The following SEMA3C variants were observed in gnomAD, a reference collection of about 807,000 sequenced individuals.
SEMA3C encodes semaphorin 3C.
A neutral mutation model predicts 89.4 loss-of-function variants in SEMA3C; 47 were observed. The ratio of observed to expected loss-of-function variants is 0.53; its 90% CI spans 0.42 to 0.67. The LOEUF (loss-of-function observed/expected upper bound fraction) is 0.67. SEMA3C is among the 30% of genes least tolerant of loss of function. The pLI is 0.00. For synonymous variants in SEMA3C, 310 were observed against 320.2 expected (o/e 0.97, Z 0.34); for missense variants, 839 against 929.1 (o/e 0.90, Z 1.26).
At chr7:80,789,131 C>T (rs1788873327) in intron 12 of SEMA3C, among the ~76,000 whole-genome samples, 175 bp downstream of exon 12, 1 of 151,932 alleles carries the variant, frequency 6.6e-6, no homozygotes, top group Admixed American at 6.6e-5. Flanking sequence ...ACTTTATTAG[C>T]TTCATTTTAC....
At chr7:80,790,295 G>A (rs769026455) in intron 11 of SEMA3C, among the ~76,000 whole-genome samples, 88 of 151,724 alleles carry the variant, frequency 5.8e-4, no homozygotes, top group Admixed American at 2.3e-3. Flanking sequence ...ATAAAAAAAG[G>A]AAGAAGAAGA....
At chr7:80,815,592 G>A (rs1056481735) in intron 5 of SEMA3C, among the ~76,000 whole-genome samples, 9 of 125,286 alleles carry the variant, frequency 7.2e-5, no homozygotes, top group East Asian at 2.9e-4. Context: ...AGAGGAAAGG[G>A]AATGAAGATA....
chr7:80,892,347 TAACA>T (rs1269736067), intron 2 of SEMA3C, among the ~76,000 whole-genome samples: 2 of 152,122 alleles, frequency 1.3e-5, no homozygotes, highest in African/African-American at 4.8e-5. Context: ...TTATTTACTT[TAACA>T]GTCAGTAGGA....
At chr7:80,830,972 G>A (rs1789996410) in intron 2 of SEMA3C, among the ~76,000 whole-genome samples, 1 of 152,194 alleles carries the variant, frequency 6.6e-6, no homozygotes. Context: ...TCACTCAAAG[G>A]TTGGAGAGGA....
intron 2 of SEMA3C, among the ~76,000 whole-genome samples, chr7:80,913,666 T>C (rs1172085026): frequency 1.3e-5 from 2 of 152,056 alleles, no homozygotes; most frequent in East Asian, 3.9e-4. Flanking sequence ...CAAAAGAAAA[T>C]ATTAGAAGTC....
At chr7:80,840,489 AG>A (rs1193147025) in intron 2 of SEMA3C, among the ~76,000 whole-genome samples, 1 of 145,032 alleles carries the variant, frequency 6.9e-6, no homozygotes. Flanking sequence ...ACTGCACTCC[AG>A]CCTAGGTGAC....
intron 12 of SEMA3C, among the ~76,000 whole-genome samples, chr7:80,776,489 G>T (rs147623004): frequency 2.0e-5 from 3 of 152,142 alleles, no homozygotes; most frequent in Non-Finnish European, 4.4e-5. Context: ...TCAAAGAAAA[G>T]AGCCTACGTG....
rs77801067 is a variant in SEMA3C, at chr7:80,853,346, G to A, written c.104-24601C>T. Among the ~76,000 whole-genome samples the A allele has an allele frequency of 6.7e-3, 1,019 of 152,248 alleles. 54 individuals are homozygous for A. In the East Asian group the frequency reaches 0.13, roughly 19 times the overall value. On this transcript the variant is annotated intron_variant, in intron 2 of 17. Coordinates refer to ENST00000265361, the MANE Select transcript of SEMA3C (RefSeq NM_006379.5). ...GTATACAGCAGCATTATTCACATCA[G>A]CCAAGATTTGAAAGGAATCCAAGTG... is the stretch of plus-strand genomic sequence containing the variant.
In SEMA3C at chr7:80,800,758, T is replaced by C. The variant is rs199738991; in HGVS notation, c.985A>G (p.Ser329Gly). The C allele has an allele frequency of 3.8e-4, 576 of 1,516,796 alleles. 1 individual carries two copies. Among genetic ancestry groups the C allele is most frequent in the Non-Finnish European group, 4.9e-4 (548 of 1,125,418 alleles). 94.0% of individuals were successfully genotyped at this position (1,516,796 alleles called of 1,614,324 possible). A position where few individuals can be genotyped will look rare whatever the true frequency, so the allele number is the denominator to read the frequency against. ...TLVYGIFTTSSSVFKGSAVCV... is the reference protein window; with the variant it reads ...TLVYGIFTTSGSVFKGSAVCV... ...AAAATGTAACTGTTGAATAATTACC[T>C]TGATGTTGTAAAAATGCCATACACT... is the stretch of plus-strand genomic sequence containing the variant. The change falls in exon 10 of 18, where the codon AGC becomes GGC. Residue 329 changes from serine to glycine, a missense_variant and splice_region_variant. Ser to Gly is a moderately conservative substitution (Grantham distance 56). Transcript: ENST00000265361.
At position 80,786,977 on chromosome 7, in the gene SEMA3C, T is replaced by C. The variant is rs555158154; in HGVS notation, c.1354+2329A>G. Among the ~76,000 whole-genome samples, 159 of 152,352 alleles carry C rather than the reference T, an allele frequency of 1.0e-3. 2 individuals carry two copies. The highest frequency in any genetic ancestry group is 3.6e-3 in the African/African-American group (151 of 41,586). On this transcript the variant is annotated intron_variant, in intron 12 of 17. Transcript: ENST00000265361. The stretch of plus-strand genomic sequence containing the variant: ...ATGTGTGTTATCCAACAGTCAACTG[T>C]ACATGAAAACACTGAGCATAGGAAA...
intron 11 of SEMA3C, among the ~76,000 whole-genome samples, chr7:80,790,196 A>C (rs1230756133): frequency 1.3e-5 from 2 of 152,094 alleles, no homozygotes; most frequent in Non-Finnish European, 1.5e-5. Flanking sequence ...AGGCAGGAGG[A>C]TCTCTTGAGC....
intron 11 of SEMA3C, among the ~76,000 whole-genome samples, chr7:80,791,484 G>A (rs1468144685): frequency 6.6e-6 from 1 of 152,128 alleles, no homozygotes; most frequent in Non-Finnish European, 1.5e-5. Flanking sequence ...AGAGAGGTAT[G>A]TGATAAAAGG....
At chr7:80,805,429 T>A (rs1789315514) in intron 7 of SEMA3C, among the ~76,000 whole-genome samples, 1 of 152,084 alleles carries the variant, frequency 6.6e-6, no homozygotes, top group African/African-American at 2.4e-5. Flanking sequence ...GTAGGATGAT[T>A]AATAGAAATA....
chr7:80,764,277 T>C (rs1301990066), intron 13 of SEMA3C, among the ~76,000 whole-genome samples: 1 of 152,208 alleles, frequency 6.6e-6, no homozygotes, highest in Admixed American at 6.5e-5. Context: ...TTTTGTTGTG[T>C]CTGGGCCATT....
intron 2 of SEMA3C, among the ~76,000 whole-genome samples, chr7:80,899,601 G>A (rs1169925418): frequency 9.2e-5 from 14 of 151,822 alleles, no homozygotes; most frequent in Admixed American, 9.2e-4. Context: ...TTTTTTATCT[G>A]TCACTGTGCT....
chr7:80,753,888 T>C (rs1349632856), intron 15 of SEMA3C, among the ~76,000 whole-genome samples: 1 of 152,020 alleles, frequency 6.6e-6, no homozygotes. Context: ...GACTTGAGAG[T>C]GAAAATGAAA....
At position 80,764,953 on chromosome 7, in the gene SEMA3C, A is replaced by T. The variant is rs150633642; in HGVS notation, c.1443+202T>A. On this transcript the variant is annotated intron_variant, in intron 13 of 17. Transcript: ENST00000265361. ...ACAGAAAGAATCCTTTTATCTTAAGATAACTTGAAATGTAGGAAAATACTT... is the reference window on the plus strand; with the variant it reads ...ACAGAAAGAATCCTTTTATCTTAAGTTAACTTGAAATGTAGGAAAATACTT... Among the ~76,000 whole-genome samples the T allele has an allele frequency of 7.5e-3, 1,145 of 152,336 alleles. 14 individuals are homozygous for T. The highest frequency in any genetic ancestry group is 0.025 in the African/African-American group (1,059 of 41,574).
At chr7:80,832,320 TCATCTATA>T in intron 2 of SEMA3C, among the ~76,000 whole-genome samples, 1 of 152,194 alleles carries the variant, frequency 6.6e-6, no homozygotes, top group East Asian at 1.9e-4. Context: ...TTTAATTTCC[TCATCTATA>T]CATTGGCAAT....
At chr7:80,777,481 G>A (rs369867391) in intron 12 of SEMA3C, among the ~76,000 whole-genome samples, 3 of 152,064 alleles carry the variant, frequency 2.0e-5, no homozygotes, top group Admixed American at 6.6e-5. Context: ...TAGTAGAGAC[G>A]GGGTTTTGCC....
Sources: gnomAD v4.1 joint callset for allele counts (sites outside exome capture counted in the v4.1 genomes callset) on GRCh38, gnomAD v4.1.1 for gene constraint, MANE v1.5 for transcripts, NCBI Gene and HGNC (gene_info 2026-07-23, HGNC 2026-07-21) for gene names.